Variants in MMS22L observed in about 807,000 individuals in gnomAD.
MMS22L encodes the protein MMS22 like, DNA repair protein, also known as protein MMS22-like.
MMS22L carries 74 observed loss-of-function variants against 159.1 expected under a neutral mutation model. The observed-to-expected ratio is 0.47, with a 90% CI of 0.39 to 0.56. The LOEUF (loss-of-function observed/expected upper bound fraction) is 0.56. Ranked by LOEUF, MMS22L falls within the 20% of genes least tolerant of loss-of-function variation. The pLI, the probability that MMS22L is intolerant of heterozygous loss-of-function variation, is 0.00. For missense variants in MMS22L, 1,351 were observed against 1,422.1 expected (o/e 0.95, Z 0.80); for synonymous variants, 517 against 506.9 (o/e 1.02, Z -0.27).
chr6:97,187,875 A>G (rs1805415858), intron 14 of MMS22L, among the ~76,000 whole-genome samples: 1 of 152,194 alleles, frequency 6.6e-6, no homozygotes, highest in African/African-American at 2.4e-5. Flanking sequence ...TATAAACTGT[A>G]TAACATTAGG....
rs1474259054 is a variant in MMS22L at position 97,270,001 on chromosome 6, G to A, written c.607-9C>T. 6.2e-7 allele frequency: 1 copy of A among 1,601,148 alleles called. No homozygotes were observed. The highest frequency in any genetic ancestry group is 8.5e-7 in the Non-Finnish European group (1 of 1,169,708). ...CATGACGGTGGAAAAAGCTGTGGAT[G>A]ACATTATCAACTGTGATTGAGAATT... On this transcript the variant is annotated splice_polypyrimidine_tract_variant and intron_variant, in intron 6 of 24. Transcript: ENST00000683635.
intron 10 of MMS22L, among the ~76,000 whole-genome samples, chr6:97,247,420 G>GA (rs1812773698): frequency 6.6e-6 from 1 of 151,972 alleles, no homozygotes; most frequent in Non-Finnish European, 1.5e-5. Flanking sequence ...ATGTGGAAGG[G>GA]AAAAAAACGG....
rs117648368 is a variant in MMS22L, at chr6:97,237,764, G to A, written c.1183-3784C>T. Among the ~76,000 whole-genome samples the A allele has an allele frequency of 9.4e-4, 143 of 152,166 alleles. 1 individual carries two copies. In the East Asian group the frequency reaches 0.026, roughly 28 times the overall value. On this transcript the variant is annotated intron_variant, in intron 11 of 24. Transcript: ENST00000683635. The stretch of plus-strand genomic sequence containing the variant: ...AGCTTATTTAACCAAAGAAGGCAAG[G>A]TTCTGTCCATCACTAATATCCTCTA...
intron 22 of MMS22L, among the ~76,000 whole-genome samples, chr6:97,153,765 C>G (rs573876924): frequency 6.6e-6 from 1 of 152,106 alleles, no homozygotes. Flanking sequence ...ATAATGTTTT[C>G]AAGATTCATC....
At chr6:97,275,647 A>G (rs1338809566) in intron 4 of MMS22L, among the ~76,000 whole-genome samples, 2 of 152,192 alleles carry the variant, frequency 1.3e-5, no homozygotes, top group East Asian at 1.9e-4. Context: ...TCCATAAGGA[A>G]TGTCTAGAGA....
At position 97,223,520 on chromosome 6, in the gene MMS22L, G is replaced by T. The variant is rs150161542; in HGVS notation, c.2039+5374C>A. Among the ~76,000 whole-genome samples, 92 of 152,208 alleles carry T rather than the reference G, an allele frequency of 6.0e-4. 1 individual carries two copies. The highest frequency in any genetic ancestry group is 2.2e-3 in the African/African-American group (91 of 41,564). ...TATCCAAAATGTTTTTGACCCGATAGTATTAACAGTATATGGCATATCTAA... is the reference window on the plus strand; with the variant it reads ...TATCCAAAATGTTTTTGACCCGATATTATTAACAGTATATGGCATATCTAA... On this transcript the variant is annotated intron_variant, in intron 14 of 24. Coordinates refer to ENST00000683635, the MANE Select transcript of MMS22L (RefSeq NM_001350599.2).
rs965525170 is a variant in MMS22L at position 97,217,208 on chromosome 6, C to A, written c.2039+11686G>T. ...TATGCTTCTTGAAAGTAGGAGTAATCTTGTAAAAAATCTAATATATTTTTA... is the reference window on the plus strand; with the variant it reads ...TATGCTTCTTGAAAGTAGGAGTAATATTGTAAAAAATCTAATATATTTTTA... On this transcript the variant is annotated intron_variant, in intron 14 of 24. Transcript: ENST00000683635. Among the ~76,000 whole-genome samples, 3 of 152,118 alleles carry A rather than the reference C, an allele frequency of 2.0e-5. No homozygotes were observed. In the South Asian group the frequency reaches 6.2e-4, roughly 32 times the overall value.
chr6:97,282,495 GA>G lies in MMS22L; in HGVS notation c.-19del. 1 of 1,535,900 alleles carries G rather than the reference GA, an allele frequency of 6.5e-7. No homozygotes were observed. The highest frequency in any genetic ancestry group is 1.4e-5 in the African/African-American group (1 of 69,980). The stretch of plus-strand genomic sequence containing the variant: ...TTCTCCATTGTTTACTTCATGTTCT[GA>G]AACACTTGGGGTTCGTCGTATCATT... On this transcript the variant is annotated 5_prime_UTR_variant, in exon 2 of 25. The change creates a premature stop within an existing upstream ORF in the 5' untranslated region. Transcript: ENST00000683635.
At position 97,179,461 on chromosome 6, in the gene MMS22L, T is replaced by C. The variant is rs1804472100; in HGVS notation, c.2483A>G (p.Asn828Ser). Reference sequence around the variant, plus strand: ...GAGCAAATCATCAGGCCCAGAGAGGTTTTTAATATACATTTGCAAAACACA... The same window carrying C: ...GAGCAAATCATCAGGCCCAGAGAGGCTTTTAATATACATTTGCAAAACACA... ...IRCVLQMYIKNLSGPDDLLID... is the reference protein window; with the variant it reads ...IRCVLQMYIKSLSGPDDLLID... The change falls in exon 17 of 25, where the codon AAC becomes AGC. Residue 828 changes from asparagine to serine, a missense_variant. Coordinates refer to ENST00000683635, the MANE Select transcript of MMS22L (RefSeq NM_001350599.2). The C allele has an allele frequency of 6.2e-7, 1 of 1,612,532 alleles. No individual in the cohort carries two copies. Among genetic ancestry groups the C allele is most frequent in the Non-Finnish European group, 8.5e-7 (1 of 1,179,418 alleles).
At chr6:97,193,526 G>A (rs2128290082) in intron 14 of MMS22L, among the ~76,000 whole-genome samples, 1 of 152,148 alleles carries the variant, frequency 6.6e-6, no homozygotes. Context: ...ACGTTTCACT[G>A]TATTTTATAA....
intron 14 of MMS22L, among the ~76,000 whole-genome samples, chr6:97,201,591 C>T (rs918632226): frequency 6.6e-6 from 1 of 152,188 alleles, no homozygotes; most frequent in African/African-American, 2.4e-5. Context: ...CACTGGGCAT[C>T]AATTTAACTT....
intron 14 of MMS22L, among the ~76,000 whole-genome samples, chr6:97,210,984 T>C (rs1808314052): frequency 1.3e-5 from 2 of 152,002 alleles, no homozygotes; most frequent in South Asian, 4.1e-4. Flanking sequence ...CATAAAAACT[T>C]GGTGGCATTA....
intron 7 of MMS22L, among the ~76,000 whole-genome samples, chr6:97,269,692 T>C (rs1815519689): frequency 6.6e-6 from 1 of 152,104 alleles, no homozygotes; most frequent in Non-Finnish European, 1.5e-5. Flanking sequence ...TATATATGTA[T>C]ACTAACAGAT....
At chr6:97,196,645 C>T (rs1200035686) in intron 14 of MMS22L, among the ~76,000 whole-genome samples, 2 of 151,964 alleles carry the variant, frequency 1.3e-5, no homozygotes, top group East Asian at 1.9e-4. Context: ...ATATATATTC[C>T]TCATGGTTTG....
In MMS22L at chr6:97,207,406, T is replaced by C. The variant is rs74739064; in HGVS notation, c.2040-20716A>G. Among the ~76,000 whole-genome samples, 225 of 152,308 alleles carry C rather than the reference T, an allele frequency of 1.5e-3. 4 individuals are homozygous for C. In the East Asian group the frequency reaches 0.041, roughly 28 times the overall value. Reference sequence around the variant, plus strand: ...TTCAATGTACAAAACATGTAAGTCATAGGAATTAAGATATATTTCTGGCCT... The same window carrying C: ...TTCAATGTACAAAACATGTAAGTCACAGGAATTAAGATATATTTCTGGCCT... On this transcript the variant is annotated intron_variant, in intron 14 of 24. Coordinates refer to ENST00000683635, the MANE Select transcript of MMS22L (RefSeq NM_001350599.2).
intron 12 of MMS22L, among the ~76,000 whole-genome samples, chr6:97,233,369 A>C (rs1217702957): frequency 6.6e-6 from 1 of 152,134 alleles, no homozygotes; most frequent in Non-Finnish European, 1.5e-5. Flanking sequence ...CCCAAAGCCA[A>C]GTTCAAAAAT....
intron 7 of MMS22L, among the ~76,000 whole-genome samples, chr6:97,268,434 C>T (rs1464464648): frequency 6.6e-6 from 1 of 152,080 alleles, no homozygotes. Context: ...GTGATCTGCC[C>T]ACCTTGGCCT....
intron 16 of MMS22L, 63 bp from the exon 17 acceptor site, chr6:97,179,622 A>G (rs1276535009): frequency 7.0e-7 from 1 of 1,422,024 alleles, no homozygotes; most frequent in Non-Finnish European, 9.4e-7. Context: ...AGAGATTAAG[A>G]AGTAAAGAAA....
chr6:97,263,200 C>T lies in MMS22L; in HGVS notation c.942+135G>A, dbSNP rs62413943. 4,654 of 580,730 alleles carry T rather than the reference C, an allele frequency of 8.0e-3. 28 individuals carry two copies. Among genetic ancestry groups the T allele is most frequent in the Non-Finnish European group, 9.5e-3 (3,166 of 334,320 alleles). The allele number at this position is 580,730 out of a possible 1,614,324, so 36.0% of individuals were successfully genotyped here. A position where few individuals can be genotyped will look rare whatever the true frequency, so the allele number is the denominator to read the frequency against. On this transcript the variant is annotated intron_variant, in intron 9 of 24. Transcript: ENST00000683635. Reference sequence around the variant, plus strand: ...AAAAATAAAGTAGATATTCAGTACTCAGTTATTGCTCTATTGGTGGTTATT... The same window carrying T: ...AAAAATAAAGTAGATATTCAGTACTTAGTTATTGCTCTATTGGTGGTTATT...
Sources: gnomAD v4.1 joint callset for allele counts (sites outside exome capture counted in the v4.1 genomes callset) on GRCh38, gnomAD v4.1.1 for gene constraint, MANE v1.5 for transcripts, NCBI Gene and HGNC (gene_info 2026-07-23, HGNC 2026-07-21) for gene names.